Variants in RECQL5 observed in about 807,000 individuals in gnomAD.
The protein encoded by RECQL5 is RecQ like helicase 5.
Under a neutral mutation model 103.4 loss-of-function variants are expected in RECQL5, and 88 were observed. The ratio of observed to expected loss-of-function variants is 0.85; its 90% confidence interval spans 0.72 to 1.02. The LOEUF (loss-of-function observed/expected upper bound fraction) is 1.02. Ranked by LOEUF, RECQL5 falls within the 50% of genes least tolerant of loss-of-function variation. The pLI, the probability that RECQL5 is intolerant of heterozygous loss-of-function variation, is 0.00. For synonymous variants in RECQL5, 552 were observed against 507.9 expected, an observed-to-expected ratio of 1.09 and a Z score of -1.17; for missense variants, 1,232 against 1,284.3, an observed-to-expected ratio of 0.96 and a Z score of 0.62.
At chr17:75,666,655 T>C (rs1316444368) in intron 1 of RECQL5, 84 bp from the exon 2 acceptor site, 2 of 1,370,658 alleles carry the variant, frequency 1.5e-6, no homozygotes, top group African/African-American at 2.9e-5. Flanking sequence ...TATTTTTCTG[T>C]AACAATTTGC....
intron 8 of RECQL5, chr17:75,641,057 C>A (rs1256720917): frequency 5.3e-6 from 7 of 1,317,808 alleles, no homozygotes; most frequent in Non-Finnish European, 7.1e-6. Flanking sequence ...TTGAGCCCTA[C>A]CAAGGAAACA....
chr17:75,629,922 G>C, intron 14 of RECQL5, 80 bp from the exon 15 acceptor site: 1 of 1,506,172 alleles, frequency 6.6e-7, no homozygotes, highest in Non-Finnish European at 8.9e-7. Flanking sequence ...TTTTCTACTA[G>C]GCACTACAAG....
chr17:75,663,027 C>T, intron 3 of RECQL5, 30 bp from the exon 4 acceptor site: 1 of 1,549,970 alleles, frequency 6.5e-7, no homozygotes, highest in Non-Finnish European at 8.7e-7. Context: ...CTGTAACTGG[C>T]CCTCAGGACT....
At position 75,662,687 on chromosome 17, in the gene RECQL5, C is replaced by G. The variant is rs1284859514; in HGVS notation, c.563G>C (p.Cys188Ser). The G allele has an allele frequency of 8.1e-6, 13 of 1,613,996 alleles. No individual in the cohort carries two copies. Among genetic ancestry groups the G allele is most frequent in the South Asian group, 6.6e-5 (6 of 91,094 alleles). ...ALRSRLGHAPCVALTATATPQ... is the reference protein window; with the variant it reads ...ALRSRLGHAPSVALTATATPQ... ...GGTGGCTGTGGCGGTCAGAGCCACA[C>G]AAGGGGCATGTCCCAGGCGGGAGCG... Residue 188 changes from cysteine to serine, a missense_variant, in exon 4 of 20, where the codon TGT (cysteine) becomes TCT (serine). Physicochemically the swap from Cys to Ser is moderately radical, Grantham distance 112 (BLOSUM62 -1). Transcript: ENST00000317905.
chr17:75,628,928 C>A lies in RECQL5; in HGVS notation c.2489+6G>T. ...CAGAAGATTCTATGACTACCTGTACCCTTACCTTGGCCTCTCCCTGAGGCA... is the reference window on the plus strand; with the variant it reads ...CAGAAGATTCTATGACTACCTGTACACTTACCTTGGCCTCTCCCTGAGGCA... On this transcript the variant is annotated splice_donor_region_variant and intron_variant, in intron 16 of 19. Coordinates refer to ENST00000317905, the MANE Select transcript of RECQL5 (RefSeq NM_004259.7). The A allele has an allele frequency of 6.3e-7, 1 of 1,578,358 alleles. No homozygotes were observed. The highest frequency in any genetic ancestry group is 1.2e-5 in the South Asian group (1 of 84,980).
chr17:75,654,817 G>C (rs1461075974), intron 7 of RECQL5, among the ~76,000 whole-genome samples: 15 of 151,982 alleles, frequency 9.9e-5, no homozygotes, highest in Non-Finnish European at 2.9e-5. Flanking sequence ...TTTTGAAACA[G>C]GGTCTCACTC....
In RECQL5 at chr17:75,640,203, T is replaced by C; in HGVS notation, c.1230-8535A>G. ...GCCCCAACAGGAAGCCAGCGCGGCA[T>C]GGCTGCCACCGACTTCGTGCAGGAG... On this transcript the variant is annotated intron_variant, in intron 8 of 19. Transcript: ENST00000317905. This position sits in a 1 kb window ranked among gnomAD's most constrained non-coding sequence, Gnocchi z 4.6. 2 of 1,547,734 alleles carry C rather than the reference T, an allele frequency of 1.3e-6. No homozygotes were observed. The highest frequency in any genetic ancestry group is 1.7e-6 in the Non-Finnish European group (2 of 1,145,590).
In RECQL5 at chr17:75,666,447, C is replaced by G. The variant is rs377094462; in HGVS notation, c.111G>C (p.Ala37=). 4 of 1,614,008 alleles carry G rather than the reference C, an allele frequency of 2.5e-6. No homozygotes were observed. The Admixed American group carries it at 6.7e-5, about 27-fold the overall frequency. The change falls in exon 2 of 20, where the codon GCG becomes GCC. Residue 37 remains alanine, a synonymous_variant. Coordinates refer to ENST00000317905, the MANE Select transcript of RECQL5 (RefSeq NM_004259.7). ...DSFKTPLQES[A]TMAVVKGNKD... ...TGTTACCTTTTACTACAGCCATGGT[C>G]GCACTCTCCTGTAAAGGCGTCTTAA...
Position 75,629,767 on chromosome 17 carries a change from G to GGGCACTGCAGCTCTT in RECQL5, c.1873_1887dup (p.Lys625_Ala629dup), listed in dbSNP as rs761084898. 12 of 1,613,568 alleles carry GGGCACTGCAGCTCTT rather than the reference G, an allele frequency of 7.4e-6. No individual in the cohort carries two copies. The Admixed American group carries it at 1.0e-4, about 13-fold the overall frequency. ...TCATTGGGCTCCGGGGGCTCAGCTT[G>GGGCACTGCAGCTCTT]GGCACTGCAGCTCTTGGCACTGCCT... On this transcript the variant is annotated inframe_insertion, in exon 15 of 20. Coordinates refer to ENST00000317905, the MANE Select transcript of RECQL5 (RefSeq NM_004259.7).
intron 8 of RECQL5, chr17:75,633,395 T>A: frequency 7.9e-7 from 1 of 1,268,606 alleles, no homozygotes; most frequent in South Asian, 1.2e-5. Flanking sequence ...GCCCCTGGAC[T>A]CTGGAGCCCT....
chr17:75,663,035 A>G (rs1302637586), intron 3 of RECQL5, 38 bp from the exon 4 acceptor site: 1 of 1,541,342 alleles, frequency 6.5e-7, no homozygotes, highest in Non-Finnish European at 8.7e-7. Flanking sequence ...GGCCCTCAGG[A>G]CTCAGGTAAA....
At chr17:75,643,138 A>G (rs1307320630) in intron 8 of RECQL5, among the ~76,000 whole-genome samples, 1 of 152,126 alleles carries the variant, frequency 6.6e-6, no homozygotes, top group Non-Finnish European at 1.5e-5. Flanking sequence ...GAAACCCTGC[A>G]TTTTTCATTC....
intron 8 of RECQL5, chr17:75,634,297 C>T (rs1035690750): frequency 1.6e-5 from 16 of 977,476 alleles, no homozygotes; most frequent in Middle Eastern, 1.0e-3. Flanking sequence ...ACCATAAACA[C>T]GGAGAGGTCT....
chr17:75,639,291 C>T (rs563870327), intron 8 of RECQL5: 1 of 152,520 alleles, frequency 6.6e-6, no homozygotes, highest in East Asian at 1.9e-4. Flanking sequence ...GAGCAACTGC[C>T]TTGGTGAACT....
At chr17:75,665,251 G>T in intron 2 of RECQL5, 79 bp from the exon 3 acceptor site, 1 of 1,372,164 alleles carries the variant, frequency 7.3e-7, no homozygotes, top group South Asian at 1.2e-5. Context: ...TGAGAATGTA[G>T]GAAAAGCACC....
chr17:75,640,441 G>A lies in RECQL5; in HGVS notation c.1230-8773C>T. ...GGCGGGTGTCTGCCGGATCAAGGAG[G>A]AAAACCAGTTGTCCCTTGGGGGAAG... is the stretch of plus-strand genomic sequence containing the variant. On this transcript the variant is annotated intron_variant, in intron 8 of 19. Coordinates refer to ENST00000317905, the MANE Select transcript of RECQL5 (RefSeq NM_004259.7). The surrounding 1 kb of genome is among the most constrained non-coding windows in gnomAD (Gnocchi z 4.6). 3 of 1,424,398 alleles carry A rather than the reference G, an allele frequency of 2.1e-6. No homozygotes were observed. In the South Asian group the frequency reaches 4.5e-5, roughly 21 times the overall value. The allele number at this position is 1,424,398 out of a possible 1,614,324, so 88.2% of individuals were successfully genotyped here.
chr17:75,665,689 CAAAA>C (rs1184942786), intron 2 of RECQL5, among the ~76,000 whole-genome samples: 1 of 63,390 alleles, frequency 1.6e-5, no homozygotes. Flanking sequence ...GACTCTGTTT[CAAAA>C]AAAAAAAAAA....
rs1355311785 is a variant in RECQL5, at chr17:75,662,480, C to T, written c.770G>A (p.Gly257Glu). Residue 257 changes from glycine (G) to glutamate (E), a missense_variant and splice_region_variant, in exon 4 of 20, where the codon GGG becomes GAG. Physicochemically the swap from Gly to Glu is moderately conservative, Grantham distance 98. Transcript: ENST00000317905. ...LKALGQEADK[G>E]LSGCGIVYCR... ...TTGGCCTCCACCTCAATGCCTCACCCCTTTATCAGCCTCCTGTCCAAGAGC... is the reference window on the plus strand; with the variant it reads ...TTGGCCTCCACCTCAATGCCTCACCTCTTTATCAGCCTCCTGTCCAAGAGC... 1 of 1,612,536 alleles carries T rather than the reference C, an allele frequency of 6.2e-7. No individual in the cohort carries two copies. The highest frequency in any genetic ancestry group is 1.1e-5 in the South Asian group (1 of 90,852).
intron 8 of RECQL5, among the ~76,000 whole-genome samples, chr17:75,648,156 C>T (rs2059511078): frequency 1.3e-5 from 2 of 152,076 alleles, no homozygotes; most frequent in African/African-American, 4.8e-5. Context: ...TGTTCTCTCC[C>T]ACCACAGGGC....
Sources: allele counts gnomAD v4.1 joint callset (sites outside exome capture counted in the v4.1 genomes callset), GRCh38; gene constraint gnomAD v4.1.1; non-coding constraint Gnocchi (gnomAD v3.1); transcripts MANE v1.5; gene names NCBI Gene and HGNC (gene_info 2026-07-23, HGNC 2026-07-21).